CLVS1: variants seen among roughly 807,000 people sequenced by gnomAD.
CLVS1 encodes the protein clavesin-1.
A neutral mutation model predicts 33.1 loss-of-function variants in CLVS1; 10 were observed. That is an observed-to-expected ratio of 0.30 (90% confidence interval 0.19 to 0.51). The LOEUF (loss-of-function observed/expected upper bound fraction) is 0.51. Ranked by LOEUF, CLVS1 falls within the 20% of genes least tolerant of loss-of-function variation. The pLI, the probability that CLVS1 is intolerant of heterozygous loss-of-function variation, is 0.97. For missense variants in CLVS1, 343 were observed against 433.4 expected, an observed-to-expected ratio of 0.79 and a Z score of 1.85; for synonymous variants, 163 against 166.1, an observed-to-expected ratio of 0.98 and a Z score of 0.14.
At chr8:61,420,281 T>C (rs1815603536) in intron 3 of CLVS1, among the ~76,000 whole-genome samples, 1 of 152,168 alleles carries the variant, frequency 6.6e-6, no homozygotes, top group Non-Finnish European at 1.5e-5. Context: ...AAATACCCAG[T>C]AAAGGTTGAA....
chr8:60,973,376 T>C, the CLVS1 span, among the ~76,000 whole-genome samples: 84,031 of 152,008 alleles, frequency 0.55, 23,530 homozygotes, highest in South Asian at 0.71. Context: ...GTTTCCAAAA[T>C]TTTTTTCTGT....
At chr8:61,033,701 C>A in the CLVS1 span, among the ~76,000 whole-genome samples, 1 of 152,148 alleles carries the variant, frequency 6.6e-6, no homozygotes, top group Non-Finnish European at 1.5e-5. Flanking sequence ...GCTGGGGGGG[C>A]ACTTCTGCCT....
intron 3 of CLVS1, among the ~76,000 whole-genome samples, chr8:61,423,096 G>A (rs148996358): frequency 6.6e-6 from 1 of 152,248 alleles, no homozygotes; most frequent in Non-Finnish European, 1.5e-5. Context: ...TTGTCAGAAT[G>A]AGCCCAATGC....
At chr8:61,216,756 C>A (rs772848847) in intron 2 of CLVS1, among the ~76,000 whole-genome samples, 2 of 152,188 alleles carry the variant, frequency 1.3e-5, no homozygotes, top group Non-Finnish European at 2.9e-5. Context: ...AGAGTTCAGC[C>A]TCTGCCTCAG....
At chr8:61,232,489 C>G (rs1033619878) in intron 2 of CLVS1, among the ~76,000 whole-genome samples, 1 of 152,080 alleles carries the variant, frequency 6.6e-6, no homozygotes, top group African/African-American at 2.4e-5. Flanking sequence ...AAACCAGGCT[C>G]AAAATAAAAT....
chr8:61,403,808 T>C (rs151269115), intron 3 of CLVS1, among the ~76,000 whole-genome samples: 1,614 of 152,274 alleles, frequency 0.011, 15 homozygotes, highest in Non-Finnish European at 0.017. Context: ...AAAACAGAGC[T>C]TGGCACAGGA....
intron 2 of CLVS1, among the ~76,000 whole-genome samples, chr8:61,141,225 T>G (rs891387772): frequency 6.6e-6 from 1 of 152,160 alleles, no homozygotes; most frequent in African/African-American, 2.4e-5. Flanking sequence ...CTTCTCCTCC[T>G]CCTTTTTCTT....
chr8:61,212,053 T>A (rs1807980763), intron 2 of CLVS1, among the ~76,000 whole-genome samples: 1 of 152,178 alleles, frequency 6.6e-6, no homozygotes, highest in African/African-American at 2.4e-5. Flanking sequence ...GAAACCTGTA[T>A]CAGACTTCCC....
At chr8:61,026,143 G>A in the CLVS1 span, among the ~76,000 whole-genome samples, 2 of 151,990 alleles carry the variant, frequency 1.3e-5, no homozygotes, top group Non-Finnish European at 2.9e-5. Flanking sequence ...TTAGAATAAG[G>A]TTATTAGGAT....
chr8:61,244,866 T>A (rs1271566465), intron 2 of CLVS1, among the ~76,000 whole-genome samples: 1 of 152,158 alleles, frequency 6.6e-6, no homozygotes, highest in African/African-American at 2.4e-5. Context: ...TTTTACTACA[T>A]TGTAACAAAA....
chr8:60,984,111 C>T, the CLVS1 span, among the ~76,000 whole-genome samples: 1 of 152,110 alleles, frequency 6.6e-6, no homozygotes, highest in Non-Finnish European at 1.5e-5. Context: ...CCTTCCTCAC[C>T]AATGGGAAAG....
At chr8:61,145,949 T>A (rs1806406858) in intron 2 of CLVS1, among the ~76,000 whole-genome samples, 1 of 152,262 alleles carries the variant, frequency 6.6e-6, no homozygotes, top group Non-Finnish European at 1.5e-5. Flanking sequence ...AAATTTCTTC[T>A]GTGGGTTACT....
At chr8:61,062,697 G>A (rs1453946101) in intron 1 of CLVS1, among the ~76,000 whole-genome samples, 3 of 152,166 alleles carry the variant, frequency 2.0e-5, no homozygotes, top group Non-Finnish European at 2.9e-5. Context: ...GTCTCTAGAA[G>A]CATTTTGACT....
At chr8:61,203,288 A>T in intron 2 of CLVS1, 1 of 769,632 alleles carries the variant, frequency 1.3e-6, no homozygotes, top group South Asian at 1.4e-5. Context: ...GTAACAGTTG[A>T]TATCTGGCTG....
intron 1 of CLVS1, among the ~76,000 whole-genome samples, chr8:61,128,929 C>T (rs1008906314): frequency 6.6e-6 from 1 of 152,164 alleles, no homozygotes; most frequent in East Asian, 1.9e-4. Context: ...TTCCACTGTT[C>T]CCCCTACTGC....
the CLVS1 span, among the ~76,000 whole-genome samples, chr8:61,020,510 C>T: frequency 1.3e-5 from 2 of 152,220 alleles, no homozygotes; most frequent in African/African-American, 4.8e-5. Context: ...ATGCAGCCAA[C>T]TCCAAGACAG....
Position 61,224,635 on chromosome 8 carries a change from G to C in CLVS1, c.-151-75042G>C, listed in dbSNP as rs144753557. Reference sequence around the variant, plus strand: ...AGGTGTCTGACAACCCCTGTTGGGGGGTCTCACCCCGTTGGGTGGCATAGG... The same window carrying C: ...AGGTGTCTGACAACCCCTGTTGGGGCGTCTCACCCCGTTGGGTGGCATAGG... On this transcript the variant is annotated intron_variant, in intron 2 of 2. Transcript: ENST00000522621. 2.0e-3 allele frequency among the ~76,000 whole-genome samples: 311 copies of C among 152,258 alleles called. 4 individuals carry two copies. In the South Asian group the frequency reaches 0.023, roughly 11 times the overall value.
intron 3 of CLVS1, among the ~76,000 whole-genome samples, chr8:61,380,177 A>C (rs917279466): frequency 2.0e-5 from 3 of 152,236 alleles, no homozygotes; most frequent in African/African-American, 4.8e-5. Flanking sequence ...GTACTATAGA[A>C]GTGATGGGCA....
chr8:61,273,571 C>T (rs1164350656), intron 2 of CLVS1, among the ~76,000 whole-genome samples: 1 of 152,260 alleles, frequency 6.6e-6, no homozygotes, highest in African/African-American at 2.4e-5. Flanking sequence ...CGGGCAATGG[C>T]GGGCGCCCCT....
Sources: gnomAD v4.1 joint callset for allele counts (sites outside exome capture counted in the v4.1 genomes callset) on GRCh38, gnomAD v4.1.1 for gene constraint, MANE v1.5 for transcripts, NCBI Gene and HGNC (gene_info 2026-07-23, HGNC 2026-07-21) for gene names.